SAV1: variants seen among roughly 807,000 people sequenced by gnomAD.
The protein encoded by SAV1 is salvador family WW domain containing protein 1, also known as protein salvador homolog 1.
SAV1 carries 23 observed loss-of-function variants against 47.3 expected under a neutral mutation model. That is an observed-to-expected ratio of 0.49 (90% CI 0.35 to 0.69). SAV1 has a LOEUF of 0.69. Among genes scored for constraint, SAV1 ranks in the 30% least tolerant of loss-of-function variants. The pLI is 0.01. For missense variants in SAV1, 448 were observed against 457.4 expected, an observed-to-expected ratio of 0.98 and a Z score of 0.19; for synonymous variants, 155 against 159.2, an observed-to-expected ratio of 0.97 and a Z score of 0.20.
At position 50,668,098 on chromosome 14, in the gene SAV1, G is replaced by T; in HGVS notation, c.-131C>A. The T allele has an allele frequency of 2.0e-6, 1 of 494,376 alleles. No individual in the cohort carries two copies. The highest frequency in any genetic ancestry group is 3.1e-6 in the Non-Finnish European group (1 of 321,348). The allele number at this position is 494,376 out of a possible 1,614,324, so 30.6% of individuals were successfully genotyped here. A position where few individuals can be genotyped will look rare whatever the true frequency, so the allele number is the denominator to read the frequency against. On this transcript the variant is annotated 5_prime_UTR_variant, in exon 1 of 5. Transcript: ENST00000324679. ...CTCCCGAGCCGCCGCCTCCGCCGCC[G>T]CCTGTCCGGAGCCCGGGGTCGCCCG...
chr14:50,662,207 T>C (rs959859191), intron 2 of SAV1, among the ~76,000 whole-genome samples: 21 of 152,258 alleles, frequency 1.4e-4, no homozygotes, highest in African/African-American at 4.6e-4. Flanking sequence ...CTCACTCTGT[T>C]GCCCAGGCTG....
At chr14:50,663,099 G>C (rs150914621) in intron 2 of SAV1, 5 of 152,308 alleles carry the variant, frequency 3.3e-5, no homozygotes, top group East Asian at 1.9e-4. Context: ...CCAAATGGAA[G>C]ATTACGCAGT....
intron 2 of SAV1, among the ~76,000 whole-genome samples, chr14:50,647,422 T>C (rs1241543798): frequency 6.6e-6 from 1 of 152,052 alleles, no homozygotes; most frequent in Non-Finnish European, 1.5e-5. Context: ...CCTGCTGCAG[T>C]GACACGCACC....
In SAV1 at chr14:50,635,402, C is replaced by T. The variant is rs769073091; in HGVS notation, c.951-18G>A. On this transcript the variant is annotated intron_variant, in intron 4 of 4. Transcript: ENST00000324679. Reference sequence around the variant, plus strand: ...GGTCATATCTGTTTTAAAACACAATCATATATATGTTCACAACACATACAT... The same window carrying T: ...GGTCATATCTGTTTTAAAACACAATTATATATATGTTCACAACACATACAT... 3.1e-6 allele frequency: 5 copies of T among 1,596,186 alleles called. No individual in the cohort carries two copies. Among genetic ancestry groups the T allele is most frequent in the Non-Finnish European group, 3.4e-6 (4 of 1,163,956 alleles).
At chr14:50,663,053 G>A (rs2039873254) in intron 2 of SAV1, 1 of 152,170 alleles carries the variant, frequency 6.6e-6, no homozygotes, top group Non-Finnish European at 1.5e-5. Flanking sequence ...AATTTCTGAA[G>A]TATAGGTCAA....
rs1458615039 is a variant in SAV1, at chr14:50,640,828, G to A, written c.872C>T (p.Ser291Phe). 2 of 1,613,716 alleles carry A rather than the reference G, an allele frequency of 1.2e-6. No homozygotes were observed. Among genetic ancestry groups the A allele is most frequent in the African/African-American group, 2.7e-5 (2 of 74,898 alleles). Residue 291 changes from serine (S) to phenylalanine (F), a missense_variant, in exon 4 of 5, where the codon TCC becomes TTC. Ser to Phe is a radical substitution (Grantham distance 155). Coordinates refer to ENST00000324679, the MANE Select transcript of SAV1 (RefSeq NM_021818.4). Reference protein sequence around the residue: ...YQPQQTERNQSLLVPANPYHT... With the variant: ...YQPQQTERNQFLLVPANPYHT... ...ATATGGATTTGCAGGTACCAGAAGG[G>A]ACTGATTTCTTTCAGTTTGCTGTGG...
rs185744583 is a variant in SAV1, at chr14:50,643,444, T to A, written c.806+1300A>T. Reference sequence around the variant, plus strand: ...AAAGAAGGGGGAACTGCCACACACTTTTAAACTATCAGATCTCATGAGAAC... The same window carrying A: ...AAAGAAGGGGGAACTGCCACACACTATTAAACTATCAGATCTCATGAGAAC... On this transcript the variant is annotated intron_variant, in intron 3 of 4. Transcript: ENST00000324679. 5.3e-3 allele frequency among the ~76,000 whole-genome samples: 814 copies of A among 152,170 alleles called. 6 individuals are homozygous for A. Among genetic ancestry groups the A allele is most frequent in the Non-Finnish European group, 8.0e-3 (546 of 67,986 alleles).
At chr14:50,639,230 G>A (rs2039661510) in intron 4 of SAV1, among the ~76,000 whole-genome samples, 1 of 152,188 alleles carries the variant, frequency 6.6e-6, no homozygotes, top group African/African-American at 2.4e-5. Flanking sequence ...CAAAAATTGT[G>A]TTGGTAAATT....
At chr14:50,664,190 T>C (rs568067165) in intron 2 of SAV1, 1 of 152,170 alleles carries the variant, frequency 6.6e-6, no homozygotes, top group Non-Finnish European at 1.5e-5. Flanking sequence ...AATAAGGTAC[T>C]AGACAAATAA....
chr14:50,648,978 T>C (rs573476459), intron 2 of SAV1, among the ~76,000 whole-genome samples: 14 of 152,224 alleles, frequency 9.2e-5, no homozygotes, highest in Non-Finnish European at 1.9e-4. Flanking sequence ...ACTTTCAATA[T>C]GAAGCCCTAC....
chr14:50,655,911 G>A (rs1421631867), intron 2 of SAV1, among the ~76,000 whole-genome samples: 1 of 152,074 alleles, frequency 6.6e-6, no homozygotes, highest in African/African-American at 2.4e-5. Flanking sequence ...CGGGCATGGT[G>A]GCATATGCCT....
intron 2 of SAV1, 67 bp from the exon 3 acceptor site, chr14:50,645,081 T>C: frequency 7.2e-7 from 1 of 1,395,946 alleles, no homozygotes; most frequent in Non-Finnish European, 9.7e-7. Flanking sequence ...ATGTGCCAGC[T>C]AGCAAAGTCA....
rs771403561 is a variant in SAV1, at chr14:50,637,663, A to ATTTTTTTTTTTTTTTTTTTTT, written c.951-2280_951-2279insAAAAAAAAAAAAAAAAAAAAA. 3.1e-5 allele frequency: 4 copies of ATTTTTTTTTTTTTTTTTTTTT among 128,768 alleles called. 1 individual carries two copies. The highest frequency in any genetic ancestry group is 1.6e-5 in the Non-Finnish European group (1 of 64,320). The allele number at this position is 128,768 out of a possible 1,614,324, so 8.0% of individuals were successfully genotyped here. ...GAAAAAATCTTCAAACAATTTTGTC[A>ATTTTTTTTTTTTTTTTTTTTT]GTTTTTTTTTTTTTTTTTTTTTTTT... On this transcript the variant is annotated intron_variant, in intron 4 of 4. Transcript: ENST00000324679.
In SAV1 at chr14:50,635,399, A is replaced by C. The variant is rs761151745; in HGVS notation, c.951-15T>G. ...TGTGGTCATATCTGTTTTAAAACAC[A>C]ATCATATATATGTTCACAACACATA... is the stretch of plus-strand genomic sequence containing the variant. On this transcript the variant is annotated splice_polypyrimidine_tract_variant and intron_variant, in intron 4 of 4. Coordinates refer to ENST00000324679, the MANE Select transcript of SAV1 (RefSeq NM_021818.4). 4 of 1,600,354 alleles carry C rather than the reference A, an allele frequency of 2.5e-6. No homozygotes were observed. Among genetic ancestry groups the C allele is most frequent in the African/African-American group, 1.3e-5 (1 of 74,698 alleles).
At chr14:50,637,004 A>C (rs182644337) in intron 4 of SAV1, among the ~76,000 whole-genome samples, 2 of 152,272 alleles carry the variant, frequency 1.3e-5, no homozygotes, top group East Asian at 3.9e-4. Flanking sequence ...AATATTTTAA[A>C]ATGAGATTTT....
Position 50,667,798 on chromosome 14 carries a change from G to C in SAV1, c.94+76C>G. The C allele has an allele frequency of 7.5e-6, 9 of 1,194,192 alleles. 1 individual carries two copies. Among genetic ancestry groups the C allele is most frequent in the Middle Eastern group, 1.9e-4 (1 of 5,136 alleles). The allele number at this position is 1,194,192 out of a possible 1,614,324, so 74.0% of individuals were successfully genotyped here. On this transcript the variant is annotated intron_variant, in intron 1 of 4. Coordinates refer to ENST00000324679, the MANE Select transcript of SAV1 (RefSeq NM_021818.4). The stretch of plus-strand genomic sequence containing the variant: ...GACGAAGGAGAAGCCCTGGAGACCC[G>C]CCGGCGCCCCCGCCAGGGTCCCCGG...
chr14:50,667,015 C>T (rs1288074450), intron 1 of SAV1, among the ~76,000 whole-genome samples: 1 of 151,950 alleles, frequency 6.6e-6, no homozygotes, highest in Non-Finnish European at 1.5e-5. Context: ...TACCAGCTTC[C>T]AAGAAGGAAA....
At chr14:50,643,447 A>T (rs2039696944) in intron 3 of SAV1, among the ~76,000 whole-genome samples, 1 of 152,140 alleles carries the variant, frequency 6.6e-6, no homozygotes, top group African/African-American at 2.4e-5. Flanking sequence ...ACACACTTTT[A>T]AACTATCAGA....
At chr14:50,665,089 T>C in intron 2 of SAV1, 90 bp downstream of exon 2, 5 of 1,464,878 alleles carry the variant, frequency 3.4e-6, no homozygotes, top group Non-Finnish European at 4.5e-6. Context: ...TAGTATTTGT[T>C]CGTGTCCCAA....
Sources: allele counts gnomAD v4.1 joint callset (sites outside exome capture counted in the v4.1 genomes callset), GRCh38; gene constraint gnomAD v4.1.1; transcripts MANE v1.5; gene names NCBI Gene and HGNC (gene_info 2026-07-23, HGNC 2026-07-21).